Variants in CALN1 observed in about 807,000 individuals in gnomAD.
CALN1 encodes calneuron 1, also known as calcium-binding protein 8.
A neutral mutation model predicts 30.6 loss-of-function variants in CALN1; 17 were observed. That is an observed-to-expected ratio of 0.56 (90% CI 0.38 to 0.83). CALN1 has a LOEUF of 0.83. Ranked by LOEUF, CALN1 falls within the 40% of genes least tolerant of loss-of-function variation. The pLI, the probability that CALN1 is intolerant of heterozygous loss-of-function variation, is 0.00. For missense variants in CALN1, 291 were observed against 354.9 expected (o/e 0.82, Z 1.45); for synonymous variants, 156 against 131.4 (o/e 1.19, Z -1.28).
At chr7:72,477,071 C>T in the CALN1 span, among the ~76,000 whole-genome samples, 54 of 152,188 alleles carry the variant, frequency 3.5e-4, no homozygotes, top group East Asian at 5.8e-4. Flanking sequence ...ACTAGCTGGG[C>T]GTGGTGGCGC....
chr7:71,939,867 C>G (rs2129522110), intron 5 of CALN1, among the ~76,000 whole-genome samples: 1 of 152,226 alleles, frequency 6.6e-6, no homozygotes, highest in South Asian at 2.1e-4. Context: ...TTGCCAAACT[C>G]CCTAACAATG....
chr7:72,319,595 C>A (rs1800729400), intron 2 of CALN1, among the ~76,000 whole-genome samples: 1 of 152,156 alleles, frequency 6.6e-6, no homozygotes, highest in African/African-American at 2.4e-5. Flanking sequence ...AAAAAGAATG[C>A]AGTAGCACCA....
rs531994261 is a variant in CALN1 at position 71,998,190 on chromosome 7, G to C, written c.501+25467C>G. Among the ~76,000 whole-genome samples the C allele has an allele frequency of 3.9e-5, 6 of 151,992 alleles. 1 individual carries two copies. Among genetic ancestry groups the C allele is most frequent in the African/African-American group, 9.6e-5 (4 of 41,458 alleles). On this transcript the variant is annotated intron_variant, in intron 5 of 6. Coordinates refer to ENST00000395275, the MANE Select transcript of CALN1 (RefSeq NM_031468.4). ...ATGAGGGGAAATAAAAACATTCTTGGATAAAGAAAAACCAAAAAATTTACC... is the reference window on the plus strand; with the variant it reads ...ATGAGGGGAAATAAAAACATTCTTGCATAAAGAAAAACCAAAAAATTTACC...
intron 5 of CALN1, among the ~76,000 whole-genome samples, chr7:71,836,978 T>C (rs1460213794): frequency 6.9e-6 from 1 of 145,306 alleles, no homozygotes; most frequent in Non-Finnish European, 1.5e-5. Flanking sequence ...CTGCCTGTAA[T>C]CCCAGCACTT....
intron 2 of CALN1, among the ~76,000 whole-genome samples, chr7:72,391,170 C>A (rs1805555481): frequency 1.3e-5 from 2 of 152,158 alleles, no homozygotes; most frequent in African/African-American, 4.8e-5. Context: ...ACCGCAGAGG[C>A]TGGTGACTTG....
intron 4 of CALN1, among the ~76,000 whole-genome samples, chr7:72,061,986 T>A (rs1485255438): frequency 6.6e-6 from 1 of 152,050 alleles, no homozygotes; most frequent in East Asian, 1.9e-4. Context: ...AAGCAATGAT[T>A]CCAATGACTA....
intron 2 of CALN1, among the ~76,000 whole-genome samples, chr7:72,349,502 C>A (rs893285698): frequency 5.9e-5 from 9 of 151,852 alleles, no homozygotes; most frequent in African/African-American, 2.2e-4. Flanking sequence ...AGAGAAAAAT[C>A]TTAAAGTATC....
At chr7:72,163,391 T>TAAAAAAAAAAAAAAAAAAA (rs1563111506) in intron 3 of CALN1, among the ~76,000 whole-genome samples, 1 of 130,424 alleles carries the variant, frequency 7.7e-6, no homozygotes, top group African/African-American at 2.8e-5. Flanking sequence ...TTATTGGAGA[T>TAAAAAAAAAAAAAAAAAAA]TAAAAAAAAA....
chr7:72,006,893 T>C (rs867212335), intron 5 of CALN1, among the ~76,000 whole-genome samples: 2 of 151,920 alleles, frequency 1.3e-5, no homozygotes, highest in East Asian at 1.9e-4. Flanking sequence ...TGGGTCCCCA[T>C]TTCCATTCTA....
chr7:72,079,987 T>C (rs1805021454), intron 4 of CALN1, among the ~76,000 whole-genome samples: 1 of 152,034 alleles, frequency 6.6e-6, no homozygotes, highest in African/African-American at 2.4e-5. Flanking sequence ...GCCAGGCTGG[T>C]CTCGAACTCC....
intron 6 of CALN1, among the ~76,000 whole-genome samples, chr7:71,789,532 C>G (rs1469623416): frequency 6.6e-6 from 1 of 152,082 alleles, no homozygotes; most frequent in Admixed American, 6.6e-5. Context: ...TTGGATGCTG[C>G]TGAAGTTGGG....
At chr7:72,237,855 G>A (rs544646333) in intron 3 of CALN1, among the ~76,000 whole-genome samples, 3 of 152,314 alleles carry the variant, frequency 2.0e-5, no homozygotes, top group African/African-American at 4.8e-5. Context: ...TTAACAAGGA[G>A]TGCCCCAGAA....
chr7:72,266,934 C>T (rs1352660109), intron 3 of CALN1, among the ~76,000 whole-genome samples: 1 of 152,160 alleles, frequency 6.6e-6, no homozygotes, highest in Non-Finnish European at 1.5e-5. Flanking sequence ...GGTACCCAGG[C>T]AGATAAAAGA....
At chr7:72,387,454 C>A (rs1294407882) in intron 2 of CALN1, among the ~76,000 whole-genome samples, 1 of 152,116 alleles carries the variant, frequency 6.6e-6, no homozygotes, top group Admixed American at 6.5e-5. Context: ...AAAGTTGTAA[C>A]TTCACGGTAG....
At chr7:72,459,533 G>A in the CALN1 span, among the ~76,000 whole-genome samples, 3 of 151,826 alleles carry the variant, frequency 2.0e-5, no homozygotes, top group African/African-American at 7.3e-5. Flanking sequence ...GGCTGAGGCA[G>A]GAGGATCCCT....
the CALN1 span, among the ~76,000 whole-genome samples, chr7:72,474,982 T>TC: frequency 1.1e-4 from 16 of 151,998 alleles, no homozygotes; most frequent in Non-Finnish European, 2.2e-4. Flanking sequence ...CAGTACTTTG[T>TC]CCCCCCCAAG....
intron 3 of CALN1, among the ~76,000 whole-genome samples, chr7:72,185,489 T>A (rs1790122052): frequency 1.3e-5 from 2 of 152,104 alleles, no homozygotes; most frequent in African/African-American, 4.8e-5. Context: ...AACTAGGTTG[T>A]GGTAAGTAGA....
chr7:72,004,541 C>T (rs560349627), intron 5 of CALN1, among the ~76,000 whole-genome samples: 1 of 152,266 alleles, frequency 6.6e-6, no homozygotes, highest in South Asian at 2.1e-4. Context: ...AGCTAGACCA[C>T]ATCAAAATTA....
At chr7:72,423,849 G>GAA (rs1489157372) in intron 1 of CALN1, among the ~76,000 whole-genome samples, 1 of 138,658 alleles carries the variant, frequency 7.2e-6, no homozygotes, top group Non-Finnish European at 1.6e-5. Flanking sequence ...AAGAAATAAA[G>GAA]AAAAAAGAAA....
Sources: gnomAD v4.1 joint callset for allele counts (sites outside exome capture counted in the v4.1 genomes callset) on GRCh38, gnomAD v4.1.1 for gene constraint, MANE v1.5 for transcripts, NCBI Gene and HGNC (gene_info 2026-07-23, HGNC 2026-07-21) for gene names.